Variants in CADPS2 observed in about 807,000 individuals in gnomAD.
CADPS2 encodes calcium dependent secretion activator 2.
In CADPS2, 93 loss-of-function variants were observed where a neutral mutation model predicts 172.5. The ratio of observed to expected loss-of-function variants is 0.54; its 90% confidence interval spans 0.46 to 0.64. CADPS2 has a LOEUF of 0.64. CADPS2 is among the 30% of genes least tolerant of loss of function. The pLI, the probability that CADPS2 is intolerant of heterozygous loss-of-function variation, is 0.00. For synonymous variants in CADPS2, 546 were observed against 555.2 expected (o/e 0.98, Z 0.23); for missense variants, 1,420 against 1,565.9 (o/e 0.91, Z 1.57).
chr7:122,449,451 G>C (rs1180173750), intron 15 of CADPS2, among the ~76,000 whole-genome samples: 1 of 151,954 alleles, frequency 6.6e-6, no homozygotes, highest in Non-Finnish European at 1.5e-5. Context: ...GAGTAGCTGG[G>C]ACCACAGGCA....
chr7:122,532,030 C>CA (rs11326243), intron 8 of CADPS2, among the ~76,000 whole-genome samples: 1,878 of 131,528 alleles, frequency 0.014, 13 homozygotes, highest in East Asian at 0.03. Context: ...GACTCCGTCT[C>CA]AAAAAAAAAA....
chr7:122,689,560 C>A (rs1376876118), intron 2 of CADPS2, among the ~76,000 whole-genome samples: 1 of 152,154 alleles, frequency 6.6e-6, no homozygotes, highest in Non-Finnish European at 1.5e-5. Context: ...AAACGCAGCA[C>A]CCTCTAGTCA....
intron 3 of CADPS2, among the ~76,000 whole-genome samples, chr7:122,645,088 A>G (rs923074360): frequency 1.3e-5 from 2 of 151,770 alleles, no homozygotes; most frequent in Non-Finnish European, 2.9e-5. Flanking sequence ...TAAATAATGG[A>G]TCAAAATGTT....
intron 2 of CADPS2, among the ~76,000 whole-genome samples, chr7:122,680,085 T>C (rs187014646): frequency 3.9e-5 from 6 of 152,368 alleles, no homozygotes; most frequent in African/African-American, 1.4e-4. Context: ...TCATAATCTT[T>C]GCAAAGGCAG....
intron 8 of CADPS2, among the ~76,000 whole-genome samples, chr7:122,540,442 AACC>A (rs2062795169): frequency 6.6e-6 from 1 of 152,138 alleles, no homozygotes; most frequent in Non-Finnish European, 1.5e-5. Flanking sequence ...AACCTTTCTT[AACC>A]ATAGATCATT....
intron 17 of CADPS2, among the ~76,000 whole-genome samples, chr7:122,420,602 A>G (rs552422469): frequency 6.6e-6 from 1 of 152,340 alleles, no homozygotes; most frequent in South Asian, 2.1e-4. Flanking sequence ...CATTGGGAAT[A>G]TTTGAGAATT....
chr7:122,784,794 T>C (rs1793631009), intron 1 of CADPS2, among the ~76,000 whole-genome samples: 1 of 152,212 alleles, frequency 6.6e-6, no homozygotes, highest in South Asian at 2.1e-4. Flanking sequence ...GACATGGGTC[T>C]TTTCTCATCA....
At chr7:122,665,194 G>A (rs905278129) in intron 2 of CADPS2, among the ~76,000 whole-genome samples, 1 of 152,120 alleles carries the variant, frequency 6.6e-6, no homozygotes, top group African/African-American at 2.4e-5. Context: ...GTCTGCATGT[G>A]GGCAAGCAGC....
intron 20 of CADPS2, among the ~76,000 whole-genome samples, chr7:122,403,509 A>G (rs1269471527): frequency 6.6e-6 from 1 of 152,244 alleles, no homozygotes; most frequent in African/African-American, 2.4e-5. Flanking sequence ...ACAAAATAAC[A>G]CAAGATGATA....
chr7:122,327,667 AATT>A (rs1314084354), intron 28 of CADPS2, among the ~76,000 whole-genome samples: 1 of 151,992 alleles, frequency 6.6e-6, no homozygotes, highest in Non-Finnish European at 1.5e-5. Context: ...TGGTACTTAT[AATT>A]AAGTGATAAT....
intron 2 of CADPS2, among the ~76,000 whole-genome samples, chr7:122,713,940 A>T (rs2136822474): frequency 6.6e-6 from 1 of 152,134 alleles, no homozygotes; most frequent in East Asian, 1.9e-4. Flanking sequence ...GCTTTTCATT[A>T]GCTCTGCTGG....
At chr7:122,818,262 A>G (rs889341819) in intron 1 of CADPS2, among the ~76,000 whole-genome samples, 6 of 151,992 alleles carry the variant, frequency 3.9e-5, no homozygotes, top group Non-Finnish European at 8.8e-5. Flanking sequence ...CCTGACCTAA[A>G]ACCTAAATGC....
intron 8 of CADPS2, among the ~76,000 whole-genome samples, chr7:122,536,269 C>A (rs1026820481): frequency 1.3e-5 from 2 of 151,790 alleles, no homozygotes; most frequent in Admixed American, 6.6e-5. Flanking sequence ...CTGTTAATTG[C>A]AAAACAGTGT....
At chr7:122,519,714 A>G (rs1307929900) in intron 8 of CADPS2, among the ~76,000 whole-genome samples, 3 of 152,046 alleles carry the variant, frequency 2.0e-5, no homozygotes, top group Admixed American at 2.0e-4. Flanking sequence ...GTCACACTGT[A>G]TCATCAAATA....
intron 1 of CADPS2, among the ~76,000 whole-genome samples, chr7:122,818,419 C>T (rs527472625): frequency 2.0e-5 from 3 of 152,112 alleles, no homozygotes; most frequent in Non-Finnish European, 2.9e-5. Flanking sequence ...AGGTGCCTGA[C>T]GTCCAGGCAT....
At chr7:122,815,797 T>A (rs975512635) in intron 1 of CADPS2, among the ~76,000 whole-genome samples, 2 of 152,116 alleles carry the variant, frequency 1.3e-5, no homozygotes, top group African/African-American at 4.8e-5. Flanking sequence ...CCAACTGAAA[T>A]CATTTTGCTA....
At chr7:122,384,945 G>A (rs77924588) in intron 24 of CADPS2, among the ~76,000 whole-genome samples, 1,941 of 152,152 alleles carry the variant, frequency 0.013, 21 homozygotes, top group Middle Eastern at 0.02. Flanking sequence ...TTACTAAAGT[G>A]CCTACTGCAT....
chr7:122,667,431 TG>T (rs201823931), intron 2 of CADPS2, among the ~76,000 whole-genome samples: 1,530 of 152,298 alleles, frequency 0.01, 15 homozygotes, highest in Middle Eastern at 0.058. Context: ...CTTACATTTT[TG>T]AACTCATTTC....
chr7:122,796,622 C>T (rs1272919955), intron 1 of CADPS2, among the ~76,000 whole-genome samples: 1 of 152,034 alleles, frequency 6.6e-6, no homozygotes, highest in Non-Finnish European at 1.5e-5. Context: ...GAAAGGATTC[C>T]CTATTCAATA....
Sources: gnomAD v4.1 joint callset for allele counts (sites outside exome capture counted in the v4.1 genomes callset) on GRCh38, gnomAD v4.1.1 for gene constraint, MANE v1.5 for transcripts, NCBI Gene and HGNC (gene_info 2026-07-23, HGNC 2026-07-21) for gene names.